SEL1L2: variants seen among roughly 807,000 people sequenced by gnomAD.
SEL1L2 encodes SEL1L2 adaptor subunit of SYVN1 ubiquitin ligase.
SEL1L2 carries 89 observed loss-of-function variants against 98.8 expected under a neutral mutation model. The observed-to-expected ratio is 0.90, with a 90% CI of 0.76 to 1.07. SEL1L2 has a LOEUF of 1.07. Ranked by LOEUF, SEL1L2 falls within the 50% of genes least tolerant of loss-of-function variation. The probability of loss-of-function intolerance (pLI) is 0.00; values close to 1 mark genes in which losing one functional copy is unlikely to be tolerated. For missense variants in SEL1L2, 788 were observed against 812.0 expected (o/e 0.97, Z 0.36); for synonymous variants, 262 against 278.5 (o/e 0.94, Z 0.59).
chr20:13,884,807 G>A (rs756778486), intron 10 of SEL1L2, among the ~76,000 whole-genome samples: 9 of 152,172 alleles, frequency 5.9e-5, no homozygotes, highest in Admixed American at 2.0e-4. Context: ...GTACCTGGCC[G>A]GTTAATTAAC....
chr20:13,855,925 G>A (rs1313715669), intron 18 of SEL1L2, among the ~76,000 whole-genome samples: 1 of 152,182 alleles, frequency 6.6e-6, no homozygotes, highest in Non-Finnish European at 1.5e-5. Flanking sequence ...AATCTTTGGT[G>A]AACAGAGTCA....
intron 5 of SEL1L2, among the ~76,000 whole-genome samples, chr20:13,890,092 C>T (rs2047140742): frequency 1.3e-5 from 2 of 152,182 alleles, no homozygotes; most frequent in Admixed American, 6.5e-5. Flanking sequence ...GTAAGAAAAG[C>T]CATTTAATTT....
chr20:13,924,865 A>G (rs1381342655), intron 3 of SEL1L2, among the ~76,000 whole-genome samples: 2 of 152,038 alleles, frequency 1.3e-5, no homozygotes, highest in Admixed American at 1.3e-4. Flanking sequence ...CTGGCCAGGC[A>G]CGGTGGCTCA....
At chr20:13,926,533 G>C (rs6079225) in intron 3 of SEL1L2, among the ~76,000 whole-genome samples, 140,586 of 152,080 alleles carry the variant, frequency 0.92, 65,044 homozygotes, top group East Asian at 1. Context: ...CCTTCATACT[G>C]CTGTATCAAC....
chr20:13,988,804 G>A (rs2052385539), intron 1 of SEL1L2, among the ~76,000 whole-genome samples: 1 of 152,096 alleles, frequency 6.6e-6, no homozygotes. Flanking sequence ...CCTGAGGTCA[G>A]GAGTTAAAGA....
chr20:13,886,758 C>A (rs2046974149), intron 8 of SEL1L2, among the ~76,000 whole-genome samples: 1 of 151,782 alleles, frequency 6.6e-6, no homozygotes, highest in African/African-American at 2.4e-5. Flanking sequence ...TATGGTGGTG[C>A]ACACCTGTAA....
intron 3 of SEL1L2, among the ~76,000 whole-genome samples, chr20:13,920,557 T>C (rs1568971912): frequency 2.7e-5 from 4 of 145,658 alleles, no homozygotes; most frequent in Admixed American, 7.0e-5. Context: ...ACACACTATT[T>C]TTCTCTCTCT....
Position 13,876,118 on chromosome 20 carries a change from A to G in SEL1L2, c.1027-3T>C, listed in dbSNP as rs376593373. 5.0e-5 allele frequency: 80 copies of G among 1,607,852 alleles called. No homozygotes were observed. Among genetic ancestry groups the G allele is most frequent in the Non-Finnish European group, 6.1e-5 (72 of 1,174,572 alleles). ...GCAGCATTCCCCTCTAAATACATCT[A>G]GGAAGAAAAATGAAAAGAGGATAGA... On this transcript the variant is annotated splice_polypyrimidine_tract_variant and splice_region_variant and intron_variant, in intron 11 of 19. Transcript: ENST00000284951.
intron 3 of SEL1L2, among the ~76,000 whole-genome samples, chr20:13,930,703 A>G (rs1309024706): frequency 6.6e-6 from 1 of 152,084 alleles, no homozygotes; most frequent in Admixed American, 6.6e-5. Context: ...TCAAAGCTGG[A>G]CTCTCAGAAA....
intron 5 of SEL1L2, among the ~76,000 whole-genome samples, chr20:13,893,974 G>A (rs974801467): frequency 6.6e-6 from 1 of 152,038 alleles, no homozygotes; most frequent in African/African-American, 2.4e-5. Flanking sequence ...AAAACATCTT[G>A]AGAAAAATGA....
At chr20:13,902,919 C>T (rs750232208) in intron 5 of SEL1L2, among the ~76,000 whole-genome samples, 9 of 151,970 alleles carry the variant, frequency 5.9e-5, no homozygotes, top group Non-Finnish European at 1.2e-4. Flanking sequence ...AGATCGAGAC[C>T]ATCCTGTCCA....
At chr20:13,937,628 C>G (rs1018563076) in intron 2 of SEL1L2, among the ~76,000 whole-genome samples, 6 of 152,182 alleles carry the variant, frequency 3.9e-5, no homozygotes, top group Non-Finnish European at 7.4e-5. Context: ...AACTAAGGAG[C>G]AAAATTCTGC....
chr20:13,991,791 G>A (rs1353707861), upstream of SEL1L2, among the ~76,000 whole-genome samples: 1 of 152,080 alleles, frequency 6.6e-6, no homozygotes, highest in Non-Finnish European at 1.5e-5. Flanking sequence ...CCAGGAGTTC[G>A]AGACCAGGCT....
intron 2 of SEL1L2, among the ~76,000 whole-genome samples, chr20:13,940,981 A>G (rs1271448623): frequency 1.3e-5 from 2 of 152,234 alleles, no homozygotes; most frequent in Non-Finnish European, 2.9e-5. Context: ...GACTCAGCTG[A>G]GTGCAGAAGC....
At chr20:13,921,278 T>C (rs2048656403) in intron 3 of SEL1L2, among the ~76,000 whole-genome samples, 1 of 152,210 alleles carries the variant, frequency 6.6e-6, no homozygotes, top group Non-Finnish European at 1.5e-5. Flanking sequence ...GTTCAAGTGA[T>C]TCTCATGCCT....
rs141957868 is a variant in SEL1L2, at chr20:13,888,485, T to C, written c.577A>G (p.Ile193Val). 0.02 allele frequency: 30,573 copies of C among 1,565,048 alleles called. 408 individuals are homozygous for C. Among genetic ancestry groups the C allele is most frequent in the Non-Finnish European group, 0.023 (26,533 of 1,145,282 alleles). Reference protein sequence around the residue: ...NALGFLSSYGIGMEYDQAKAL... With the variant: ...NALGFLSSYGVGMEYDQAKAL... ...TTAGCTTGATCATATTCCATTCCTA[T>C]TCCATAAGAAGACAAAAATCCTAAT... The change falls in exon 6 of 20, where the codon ATA becomes GTA. Residue 193 changes from isoleucine to valine, a missense_variant. Physicochemically the swap from Ile to Val is conservative, Grantham distance 29. Coordinates refer to ENST00000284951, the MANE Select transcript of SEL1L2 (RefSeq NM_025229.2).
At chr20:13,988,690 A>G (rs911951107) in intron 1 of SEL1L2, among the ~76,000 whole-genome samples, 7 of 152,140 alleles carry the variant, frequency 4.6e-5, no homozygotes, top group Non-Finnish European at 1.5e-5. Flanking sequence ...CAATTTTTGA[A>G]AAGAAGTCAG....
chr20:13,986,165 C>A (rs2052173061), intron 1 of SEL1L2, among the ~76,000 whole-genome samples: 1 of 152,108 alleles, frequency 6.6e-6, no homozygotes, highest in South Asian at 2.1e-4. Context: ...ACTATTAGAT[C>A]ATATAGTAAC....
At chr20:13,982,458 T>C (rs1189957904) in intron 1 of SEL1L2, among the ~76,000 whole-genome samples, 2 of 144,084 alleles carry the variant, frequency 1.4e-5, no homozygotes, top group Non-Finnish European at 1.5e-5. Flanking sequence ...CTATAGTGAG[T>C]TGTGATCGTG....
Sources: allele counts gnomAD v4.1 joint callset (sites outside exome capture counted in the v4.1 genomes callset), GRCh38; gene constraint gnomAD v4.1.1; transcripts MANE v1.5; gene names NCBI Gene and HGNC (gene_info 2026-07-23, HGNC 2026-07-21).